Variants in ATP1B4 observed in about 807,000 individuals in gnomAD.
The protein encoded by ATP1B4 is ATPase Na+/K+ transporting family member beta 4.
Under a neutral mutation model 29.6 loss-of-function variants are expected in ATP1B4, and 32 were observed. The observed-to-expected ratio is 1.08, with a 90% CI of 0.82 to 1.45. The LOEUF is 1.45. Among genes scored for constraint, ATP1B4 ranks in the 40% most tolerant of loss-of-function variants. The pLI is 0.00. For synonymous variants in ATP1B4, 127 were observed against 102.1 expected, an observed-to-expected ratio of 1.24 and a Z score of -1.47; for missense variants, 323 against 276.2, an observed-to-expected ratio of 1.17 and a Z score of -1.20.
Position 120,380,789 on chromosome X carries a change from G to A in ATP1B4, c.*1155G>A, listed in dbSNP as rs1353995598. Reference sequence around the variant, plus strand: ...CTTGCCAGGCCAGGCAAAAGCCAAGGCCCATTAGCCAGTTTAGCATTTACT... The same window carrying A: ...CTTGCCAGGCCAGGCAAAAGCCAAGACCCATTAGCCAGTTTAGCATTTACT... On this transcript the variant is annotated 3_prime_UTR_variant, in exon 8 of 8. Coordinates refer to ENST00000218008, the MANE Select transcript of ATP1B4 (RefSeq NM_001142447.3). The A allele has an allele frequency of 1.8e-5, 2 of 112,371 alleles. No homozygotes were observed. The highest frequency in any genetic ancestry group is 3.8e-5 in the Non-Finnish European group (2 of 53,267). 9.3% of individuals were successfully genotyped at this position (112,371 alleles called of 1,213,427 possible).
rs950157754 is a variant in ATP1B4, at chrX:120,381,976, G to A, written c.*2342G>A. The A allele has an allele frequency of 5.4e-5, 6 of 111,820 alleles. No individual in the cohort carries two copies. Among genetic ancestry groups the A allele is most frequent in the African/African-American group, 2.0e-4 (6 of 30,766 alleles). 9.2% of individuals were successfully genotyped at this position (111,820 alleles called of 1,213,427 possible). ...AACATTTTAGACATGATTTTCTATT[G>A]GTCAGACATTGATGTGGAGATGTAA... On this transcript the variant is annotated 3_prime_UTR_variant, in exon 8 of 8. Coordinates refer to ENST00000218008, the MANE Select transcript of ATP1B4 (RefSeq NM_001142447.3).
intron 1 of ATP1B4, among the ~76,000 whole-genome samples, chrX:120,363,129 A>G (rs2058270608): frequency 8.9e-6 from 1 of 112,552 alleles, no homozygotes; most frequent in Non-Finnish European, 1.9e-5. Flanking sequence ...TTGTGATCTC[A>G]GCCCCAGGAG....
At chrX:120,366,448 G>C in intron 1 of ATP1B4, 77 bp from the exon 2 acceptor site, 1 of 1,088,092 alleles carries the variant, frequency 9.2e-7, no homozygotes, top group African/African-American at 1.8e-5. Flanking sequence ...GAGTCATTTC[G>C]ATTTATTTTT....
Position 120,371,140 on chromosome X carries a change from C to A in ATP1B4, c.492C>A (p.Asn164Lys), listed in dbSNP as rs1031575416. 1.7e-6 allele frequency: 2 copies of A among 1,211,346 alleles called. No homozygotes were observed. The highest frequency in any genetic ancestry group is 2.2e-6 in the Non-Finnish European group (2 of 895,138). Residue 164 changes from asparagine to lysine, a missense_variant, in exon 4 of 8, where the codon AAC (asparagine) becomes AAA (lysine). Transcript: ENST00000218008. ...VMIRPFAHSL[N>K]FNFNVSEPDT... ...TCAGACCCTTCGCCCATAGCCTTAA[C>A]TTCAACTTCAACGTTTCTGAACCCG...
chrX:120,381,642 G>A lies in ATP1B4; in HGVS notation c.*2008G>A, dbSNP rs1431785284. On this transcript the variant is annotated 3_prime_UTR_variant, in exon 8 of 8. Transcript: ENST00000218008. ...ACTTTTGTATTTTTGGCGGAGACAG[G>A]GTTTCACCATGTTGGCCAGGCTGGT... 1 of 111,255 alleles carries A rather than the reference G, an allele frequency of 9.0e-6. No homozygotes were observed. Among genetic ancestry groups the A allele is most frequent in the African/African-American group, 3.3e-5 (1 of 30,465 alleles). The allele number at this position is 111,255 out of a possible 1,213,427, so 9.2% of individuals were successfully genotyped here.
chrX:120,363,799 C>A (rs980046785), intron 1 of ATP1B4, among the ~76,000 whole-genome samples: 1 of 112,291 alleles, frequency 8.9e-6, no homozygotes, highest in Non-Finnish European at 1.9e-5. Context: ...GGTAGTGCCA[C>A]TTTAGGAAAG....
At chrX:120,369,130 C>T (rs1357488036) in intron 2 of ATP1B4, among the ~76,000 whole-genome samples, 1 of 112,415 alleles carries the variant, frequency 8.9e-6, no homozygotes, top group Non-Finnish European at 1.9e-5. Flanking sequence ...ATCCATGAAA[C>T]TGAGTCTTTT....
At chrX:120,379,099 C>T (rs1412615842) in intron 7 of ATP1B4, among the ~76,000 whole-genome samples, 1 of 111,579 alleles carries the variant, frequency 9.0e-6, no homozygotes, top group Non-Finnish European at 1.9e-5. Flanking sequence ...TGTGCTTAAA[C>T]ATGCCCTAAT....
chrX:120,371,672 G>A (rs774561709), intron 4 of ATP1B4, among the ~76,000 whole-genome samples: 2 of 111,482 alleles, frequency 1.8e-5, no homozygotes, highest in African/African-American at 3.3e-5. Flanking sequence ...GAGGGCAAGC[G>A]TCTTTATTTT....
chrX:120,378,887 G>A, intron 7 of ATP1B4, 114 bp downstream of exon 7: 1 of 617,830 alleles, frequency 1.6e-6, no homozygotes, highest in East Asian at 3.4e-5. Context: ...GTAAATAGCT[G>A]CTGGCCATAA....
chrX:120,378,619 C>G lies in ATP1B4; in HGVS notation c.817-59C>G, dbSNP rs909341161. The G allele has an allele frequency of 3.0e-4, 298 of 996,483 alleles. 2 individuals are homozygous for G. The highest frequency in any genetic ancestry group is 2.8e-3 in the Middle Eastern group (11 of 3,870). 82.1% of individuals were successfully genotyped at this position (996,483 alleles called of 1,213,427 possible). Reference sequence around the variant, plus strand: ...TTCACCTGGGTACAACTCCCTTTAGCTCAGACTCTAGCCCACTCTGTGACC... The same window carrying G: ...TTCACCTGGGTACAACTCCCTTTAGGTCAGACTCTAGCCCACTCTGTGACC... On this transcript the variant is annotated intron_variant, in intron 6 of 7. Coordinates refer to ENST00000218008, the MANE Select transcript of ATP1B4 (RefSeq NM_001142447.3).
intron 2 of ATP1B4, among the ~76,000 whole-genome samples, chrX:120,369,645 T>C (rs2058303120): frequency 1.8e-5 from 2 of 111,904 alleles, no homozygotes; most frequent in Non-Finnish European, 3.8e-5. Context: ...CTCATACTCA[T>C]TCACTTCACT....
chrX:120,375,015 C>T (rs977404666), intron 4 of ATP1B4, among the ~76,000 whole-genome samples: 2 of 105,652 alleles, frequency 1.9e-5, no homozygotes, highest in Non-Finnish European at 3.9e-5. Context: ...GAAGGGACAG[C>T]CTTCCAAGTT....
chrX:120,365,013 G>A (rs921862689), intron 1 of ATP1B4, among the ~76,000 whole-genome samples: 4 of 111,942 alleles, frequency 3.6e-5, no homozygotes, highest in Non-Finnish European at 7.5e-5. Flanking sequence ...CCCTAAAATC[G>A]TTTAGGAACA....
Position 120,374,560 on chromosome X carries a change from A to AAT in ATP1B4, c.563-802_563-801dup, listed in dbSNP as rs751374154. Among the ~76,000 whole-genome samples, 87 of 29,547 alleles carry AAT rather than the reference A, an allele frequency of 2.9e-3. 3 individuals are homozygous for AAT. The East Asian group carries it at 0.076, about 26-fold the overall frequency. 25.7% of individuals were successfully genotyped at this position (29,547 alleles called of 115,157 possible). On this transcript the variant is annotated intron_variant, in intron 4 of 7. Transcript: ENST00000218008. ...ATAATATATATATACCCTTATATAT[A>AAT]ATATATATATACCCTTATATATAAT...
chrX:120,371,344 A>AT, intron 4 of ATP1B4, 134 bp downstream of exon 4: 2 of 496,331 alleles, frequency 4.0e-6, no homozygotes, highest in South Asian at 6.0e-5. Context: ...CTTACTTTGC[A>AT]TCCCCCTTAG....
At chrX:120,374,560 AATATATATATACCCTTATATATAAT>A (rs2058331932) in intron 4 of ATP1B4, among the ~76,000 whole-genome samples, 1 of 29,546 alleles carries the variant, frequency 3.4e-5, no homozygotes, top group Admixed American at 5.3e-4. Context: ...CCTTATATAT[AATATATATATACCCTTATATATAAT>A]ATATATATAC....
intron 6 of ATP1B4, among the ~76,000 whole-genome samples, chrX:120,378,268 A>T (rs2058366184): frequency 9.0e-6 from 1 of 111,595 alleles, no homozygotes; most frequent in Non-Finnish European, 1.9e-5. Context: ...TATCTTCCTC[A>T]GCTCCAAAGT....
intron 6 of ATP1B4, among the ~76,000 whole-genome samples, chrX:120,378,183 G>A (rs1025744427): frequency 8.9e-6 from 1 of 111,917 alleles, no homozygotes; most frequent in African/African-American, 3.3e-5. Context: ...CTATGCACTT[G>A]ATCTGACTTC....
Sources: allele counts gnomAD v4.1 joint callset (sites outside exome capture counted in the v4.1 genomes callset), GRCh38; gene constraint gnomAD v4.1.1; transcripts MANE v1.5; gene names NCBI Gene and HGNC (gene_info 2026-07-23, HGNC 2026-07-21).